RWDD1: variants seen among roughly 807,000 people sequenced by gnomAD.
The protein encoded by RWDD1 is RWD domain-containing protein 1.
RWDD1 carries 17 observed loss-of-function variants against 31.6 expected under a neutral mutation model. The observed-to-expected ratio is 0.54, with a 90% CI of 0.37 to 0.81. The LOEUF (loss-of-function observed/expected upper bound fraction) is 0.81, where lower values mean the gene tolerates loss of function less well. Among genes scored for constraint, RWDD1 ranks in the 30% least tolerant of loss-of-function variants. The pLI, the probability that RWDD1 is intolerant of heterozygous loss-of-function variation, is 0.00. For synonymous variants in RWDD1, 78 were observed against 94.2 expected (o/e 0.83, Z 0.99); for missense variants, 204 against 274.5 (o/e 0.74, Z 1.82).
At chr6:116,576,114 TTTCTCTA>T in intron 1 of RWDD1, among the ~76,000 whole-genome samples, 1 of 152,364 alleles carries the variant, frequency 6.6e-6, no homozygotes, top group Middle Eastern at 3.4e-3. Context: ...TTCACGTTTT[TTTCTCTA>T]TAGTGGCAAC....
At chr6:116,576,530 T>C (rs1263704430) in intron 1 of RWDD1, among the ~76,000 whole-genome samples, 1 of 152,186 alleles carries the variant, frequency 6.6e-6, no homozygotes. Flanking sequence ...TTCTTTCTGG[T>C]CCATTTTCCT....
rs1281977006 is a variant in RWDD1 at position 116,595,534 on chromosome 6, G to A, written c.*2433G>A. 6.6e-6 allele frequency: 1 copy of A among 152,100 alleles called. No individual in the cohort carries two copies. Among genetic ancestry groups the A allele is most frequent in the Admixed American group, 6.6e-5 (1 of 15,258 alleles). The allele number at this position is 152,100 out of a possible 1,614,324, so 9.4% of individuals were successfully genotyped here. On this transcript the variant is annotated 3_prime_UTR_variant, in exon 7 of 7. Transcript: ENST00000466444. ...AATAATTGTTCCATCTTGGATTATCGGTTTTGCTCTTTGATTTGGTAAAGT... is the reference window on the plus strand; with the variant it reads ...AATAATTGTTCCATCTTGGATTATCAGTTTTGCTCTTTGATTTGGTAAAGT...
intron 4 of RWDD1, among the ~76,000 whole-genome samples, chr6:116,589,635 A>G (rs995104699): frequency 6.6e-6 from 1 of 152,198 alleles, no homozygotes; most frequent in African/African-American, 2.4e-5. Context: ...GTTCGTTTTC[A>G]TGCTGTTGAT....
chr6:116,590,521 CA>C, intron 5 of RWDD1, 117 bp downstream of exon 5: 1 of 1,278,408 alleles, frequency 7.8e-7, no homozygotes, highest in Middle Eastern at 2.8e-4. Flanking sequence ...GCATCTAGGA[CA>C]AAAAGAGAAA....
At chr6:116,577,651 C>G (rs7757158) in intron 1 of RWDD1, among the ~76,000 whole-genome samples, 54,358 of 151,238 alleles carry the variant, frequency 0.36, 10,387 homozygotes, top group African/African-American at 0.49. Flanking sequence ...TCACCATTTC[C>G]TGCTATTCCC....
At position 116,593,921 on chromosome 6, in the gene RWDD1, G is replaced by C. The variant is rs1383536631; in HGVS notation, c.*820G>C. The C allele has an allele frequency of 1.3e-5, 2 of 151,978 alleles. No homozygotes were observed. The highest frequency in any genetic ancestry group is 2.9e-5 in the Non-Finnish European group (2 of 68,066). 9.4% of individuals were successfully genotyped at this position (151,978 alleles called of 1,614,324 possible). A position where few individuals can be genotyped will look rare whatever the true frequency, so the allele number is the denominator to read the frequency against. On this transcript the variant is annotated 3_prime_UTR_variant, in exon 7 of 7. Coordinates refer to ENST00000466444, the MANE Select transcript of RWDD1 (RefSeq NM_015952.4). Reference sequence around the variant, plus strand: ...GATCACGCCACTGCACTCCAGCCTGGGCAACAGAGCAAGACTCCGTCTCAA... The same window carrying C: ...GATCACGCCACTGCACTCCAGCCTGCGCAACAGAGCAAGACTCCGTCTCAA...
intron 1 of RWDD1, among the ~76,000 whole-genome samples, chr6:116,579,163 A>G (rs1034517750): frequency 6.6e-6 from 1 of 152,252 alleles, no homozygotes; most frequent in African/African-American, 2.4e-5. Context: ...GGCATGAGCC[A>G]CTGTGCCCGG....
chr6:116,584,471 CAG>C (rs1411652987), intron 2 of RWDD1, among the ~76,000 whole-genome samples: 2 of 152,212 alleles, frequency 1.3e-5, no homozygotes, highest in Non-Finnish European at 2.9e-5. Context: ...CCCTCTTTCT[CAG>C]ACATGCAGTC....
rs2115340183 is a variant in RWDD1, at chr6:116,594,684, A to G, written c.*1583A>G. 6.6e-6 allele frequency: 1 copy of G among 152,332 alleles called. No individual in the cohort carries two copies. Among genetic ancestry groups the G allele is most frequent in the East Asian group, 1.9e-4 (1 of 5,176 alleles). The allele number at this position is 152,332 out of a possible 1,614,324, so 9.4% of individuals were successfully genotyped here. ...CCTTTGTAATAATTTGGGATGATTG[A>G]CTTGGTGGCTCCAGGTAGGAGAGCC... On this transcript the variant is annotated 3_prime_UTR_variant, in exon 7 of 7. Transcript: ENST00000466444.
At position 116,596,523 on chromosome 6, in the gene RWDD1, TA is replaced by T. The variant is rs1342915842; in HGVS notation, c.*3427del. On this transcript the variant is annotated 3_prime_UTR_variant, in exon 7 of 7. Transcript: ENST00000466444. ...TGAAAGGACTTTTAAAATTTTGTCATAAAAATAGCCAATGATGTTTTTAATT... is the reference window on the plus strand; with the variant it reads ...TGAAAGGACTTTTAAAATTTTGTCATAAAATAGCCAATGATGTTTTTAATT... The T allele has an allele frequency of 6.6e-6, 1 of 152,214 alleles. No homozygotes were observed. Among genetic ancestry groups the T allele is most frequent in the Non-Finnish European group, 1.5e-5 (1 of 68,030 alleles). 9.4% of individuals were successfully genotyped at this position (152,214 alleles called of 1,614,324 possible).
At chr6:116,590,628 T>C (rs1775125193) in intron 5 of RWDD1, among the ~76,000 whole-genome samples, 1 of 152,172 alleles carries the variant, frequency 6.6e-6, no homozygotes, top group African/African-American at 2.4e-5. Flanking sequence ...GATCCTGTGA[T>C]AGAAGGACAT....
chr6:116,584,734 G>T lies in RWDD1; in HGVS notation c.147G>T (p.Gln49His). Reference protein sequence around the residue: ...SEAGENDETVQTTLKFTYSEK... With the variant: ...SEAGENDETVHTTLKFTYSEK... ...TCTTATCTTGTGTCTTAGCTGTCCA[G>T]ACTACCCTCAAGTTTACATACAGTG... is the stretch of plus-strand genomic sequence containing the variant. Residue 49 changes from glutamine to histidine, a missense_variant, in exon 3 of 7, where the codon CAG (glutamine) becomes CAT (histidine). Gln to His is a conservative substitution (Grantham distance 24). Transcript: ENST00000466444. 1.2e-6 allele frequency: 2 copies of T among 1,611,172 alleles called. No individual in the cohort carries two copies. The highest frequency in any genetic ancestry group is 2.2e-5 in the South Asian group (2 of 91,002).
chr6:116,593,255 C>T lies in RWDD1; in HGVS notation c.*154C>T. On this transcript the variant is annotated 3_prime_UTR_variant, in exon 7 of 7. Coordinates refer to ENST00000466444, the MANE Select transcript of RWDD1 (RefSeq NM_015952.4). The stretch of plus-strand genomic sequence containing the variant: ...TCATCATTGAACTTAATAAACTGAC[C>T]TTAAAATTTCAAATATAAAATGTTC... The T allele has an allele frequency of 1.4e-6, 1 of 704,244 alleles. No homozygotes were observed. The highest frequency in any genetic ancestry group is 2.1e-6 in the Non-Finnish European group (1 of 470,054). The allele number at this position is 704,244 out of a possible 1,614,324, so 43.6% of individuals were successfully genotyped here.
At chr6:116,573,568 AG>A (rs772727999) in intron 1 of RWDD1, among the ~76,000 whole-genome samples, 1 of 152,318 alleles carries the variant, frequency 6.6e-6, no homozygotes, top group Non-Finnish European at 1.5e-5. Context: ...GAAAAGGCAG[AG>A]GACTTTGAAA....
intron 3 of RWDD1, among the ~76,000 whole-genome samples, chr6:116,588,505 C>T (rs1775080499): frequency 6.6e-6 from 1 of 152,066 alleles, no homozygotes; most frequent in African/African-American, 2.4e-5. Flanking sequence ...GGCCTCAATG[C>T]AGTTCATTGT....
chr6:116,581,669 T>G (rs1774949174), intron 2 of RWDD1, among the ~76,000 whole-genome samples: 1 of 152,004 alleles, frequency 6.6e-6, no homozygotes, highest in Non-Finnish European at 1.5e-5. Flanking sequence ...CACAGGTAAT[T>G]AAAAATGCAA....
chr6:116,575,640 G>A (rs948141379), intron 1 of RWDD1, among the ~76,000 whole-genome samples: 1 of 152,166 alleles, frequency 6.6e-6, no homozygotes, highest in Non-Finnish European at 1.5e-5. Context: ...AGGTTCATCT[G>A]TGACAGAAAA....
chr6:116,590,002 A>G (rs907292881), intron 4 of RWDD1, among the ~76,000 whole-genome samples: 1 of 152,174 alleles, frequency 6.6e-6, no homozygotes, highest in Non-Finnish European at 1.5e-5. Context: ...TTAACAATGA[A>G]TAGCTATGGT....
At chr6:116,571,702 G>C (rs767488562) in intron 1 of RWDD1, 47 bp downstream of exon 1, 44 of 1,567,732 alleles carry the variant, frequency 2.8e-5, no homozygotes, top group Non-Finnish European at 3.7e-5. Context: ...GGTGGAGTAG[G>C]ACGGGCAGGA....
Sources: allele counts gnomAD v4.1 joint callset (sites outside exome capture counted in the v4.1 genomes callset), GRCh38; gene constraint gnomAD v4.1.1; transcripts MANE v1.5; gene names NCBI Gene and HGNC (gene_info 2026-07-23, HGNC 2026-07-21).